The following ITGA9 variants were observed in gnomAD, a reference collection of about 807,000 sequenced individuals.
The protein encoded by ITGA9 is integrin subunit alpha 9.
Under a neutral mutation model 127.8 loss-of-function variants are expected in ITGA9, and 56 were observed. The observed-to-expected ratio is 0.44, with a 90% CI of 0.35 to 0.55. The LOEUF is 0.55. ITGA9 is among the 20% of genes least tolerant of loss of function. ITGA9 has a pLI of 0.00. For synonymous variants in ITGA9, 508 were observed against 514.5 expected, an observed-to-expected ratio of 0.99 and a Z score of 0.17; for missense variants, 1,196 against 1,347.1, an observed-to-expected ratio of 0.89 and a Z score of 1.76.
chr3:37,589,330 CAT>C (rs1699789974), intron 15 of ITGA9, among the ~76,000 whole-genome samples: 1 of 152,152 alleles, frequency 6.6e-6, no homozygotes, highest in Admixed American at 6.5e-5. Flanking sequence ...GAGCACCTAT[CAT>C]GTGCAAGTAC....
chr3:37,741,245 C>G (rs1270886084), intron 20 of ITGA9, among the ~76,000 whole-genome samples: 4 of 152,208 alleles, frequency 2.6e-5, no homozygotes, highest in Non-Finnish European at 5.9e-5. Flanking sequence ...ACTCACTTGC[C>G]TGACAGGCAG....
chr3:37,593,853 C>A (rs1376465732), intron 15 of ITGA9, among the ~76,000 whole-genome samples: 13 of 151,252 alleles, frequency 8.6e-5, no homozygotes, highest in Non-Finnish European at 1.5e-5. Flanking sequence ...TGCCTGCTGT[C>A]CTCGTGTGGA....
Position 37,759,663 on chromosome 3 carries a change from A to C in ITGA9, c.2541+9094A>C, listed in dbSNP as rs556651343. Among the ~76,000 whole-genome samples, 208 of 152,272 alleles carry C rather than the reference A, an allele frequency of 1.4e-3. 1 individual carries two copies. The highest frequency in any genetic ancestry group is 0.01 in the Middle Eastern group (3 of 294). On this transcript the variant is annotated intron_variant, in intron 23 of 27. Transcript: ENST00000264741. ...ATGCCTGTAATCCCAGCACTTTGGG[A>C]GGCTGAGTTGGGCATATCACCTGAG...
chr3:37,535,159 A>G (rs1309999016), intron 14 of ITGA9, among the ~76,000 whole-genome samples: 1 of 152,266 alleles, frequency 6.6e-6, no homozygotes, highest in East Asian at 1.9e-4. Flanking sequence ...CACATGTGCC[A>G]GGCACTGGAG....
chr3:37,528,632 T>G (rs1048719057), intron 13 of ITGA9, among the ~76,000 whole-genome samples: 6 of 152,228 alleles, frequency 3.9e-5, no homozygotes, highest in Non-Finnish European at 8.8e-5. Flanking sequence ...GCCTGTGACC[T>G]TAGATTATAG....
chr3:37,595,371 A>C (rs1394685350), intron 15 of ITGA9, among the ~76,000 whole-genome samples: 1 of 152,224 alleles, frequency 6.6e-6, no homozygotes, highest in Non-Finnish European at 1.5e-5. Flanking sequence ...TGCAGATGGC[A>C]GGGGATTCCG....
chr3:37,815,124 A>G (rs1308370788), intron 27 of ITGA9, among the ~76,000 whole-genome samples: 1 of 152,216 alleles, frequency 6.6e-6, no homozygotes, highest in African/African-American at 2.4e-5. Flanking sequence ...GCAAGAGATG[A>G]CAGTGCCTTC....
chr3:37,743,058 G>A (rs1244942455), intron 21 of ITGA9, among the ~76,000 whole-genome samples: 1 of 152,154 alleles, frequency 6.6e-6, no homozygotes, highest in Non-Finnish European at 1.5e-5. Flanking sequence ...TTGTTGGGAG[G>A]TGTTAACAGC....
At chr3:37,484,578 A>G (rs1271904148) in intron 4 of ITGA9, among the ~76,000 whole-genome samples, 1 of 152,178 alleles carries the variant, frequency 6.6e-6, no homozygotes, top group Non-Finnish European at 1.5e-5. Context: ...GACCTTTCAG[A>G]TACCACCTAG....
chr3:37,704,733 G>A (rs558014926), intron 18 of ITGA9, among the ~76,000 whole-genome samples: 4 of 152,294 alleles, frequency 2.6e-5, no homozygotes, highest in Admixed American at 6.5e-5. Flanking sequence ...TGAAACTCTT[G>A]TAGACACCAA....
rs1697407954 is a variant in ITGA9 at position 37,814,609 on chromosome 3, C to G, written c.3010-4282C>G. Among the ~76,000 whole-genome samples the G allele has an allele frequency of 6.6e-6, 1 of 152,128 alleles. No individual in the cohort carries two copies. The highest frequency in any genetic ancestry group is 6.5e-5 in the Admixed American group (1 of 15,270). ...CAATATTAGTTTGACAGAGCCACCA[C>G]TAGACTATAGGGTACCTTTGTGCAA... is the stretch of plus-strand genomic sequence containing the variant. On this transcript the variant is annotated intron_variant, in intron 27 of 27. Transcript: ENST00000264741. The surrounding 1 kb of genome is among the most constrained non-coding windows in gnomAD (Gnocchi z 4.3).
chr3:37,630,128 C>G (rs1191021744), intron 16 of ITGA9, among the ~76,000 whole-genome samples: 1 of 152,216 alleles, frequency 6.6e-6, no homozygotes, highest in Non-Finnish European at 1.5e-5. Flanking sequence ...TTTCACAGTG[C>G]TTCAGACCAC....
At chr3:37,587,415 GT>G (rs1355027414) in intron 15 of ITGA9, among the ~76,000 whole-genome samples, 2 of 152,194 alleles carry the variant, frequency 1.3e-5, no homozygotes, top group Non-Finnish European at 2.9e-5. Flanking sequence ...GACAAAGGGA[GT>G]TTTATGCCAT....
At chr3:37,714,193 G>T (rs905049609) in intron 18 of ITGA9, among the ~76,000 whole-genome samples, 1 of 152,220 alleles carries the variant, frequency 6.6e-6, no homozygotes, top group East Asian at 1.9e-4. Flanking sequence ...ATCCTCATCT[G>T]TAAGGTGGGA....
rs1226966554 is a variant in ITGA9 at position 37,799,182 on chromosome 3, A to G, written c.2890-4641A>G. ...ATGAACATTTTTATTTTATTTTTTA[A>G]TTTTTTATTTTTTTAAGACAGAGTC... On this transcript the variant is annotated intron_variant, in intron 26 of 27. Transcript: ENST00000264741. The surrounding 1 kb of genome is among the most constrained non-coding windows in gnomAD (Gnocchi z 4.0). Among the ~76,000 whole-genome samples, 1 of 151,740 alleles carries G rather than the reference A, an allele frequency of 6.6e-6. No individual in the cohort carries two copies. The highest frequency in any genetic ancestry group is 1.5e-5 in the Non-Finnish European group (1 of 67,934).
intron 15 of ITGA9, among the ~76,000 whole-genome samples, chr3:37,616,332 G>A (rs1700074124): frequency 6.6e-6 from 1 of 152,220 alleles, no homozygotes; most frequent in Non-Finnish European, 1.5e-5. Flanking sequence ...CTGAGAGACA[G>A]CTTGTTATAA....
At chr3:37,611,305 C>A (rs1398585059) in intron 15 of ITGA9, among the ~76,000 whole-genome samples, 1 of 152,078 alleles carries the variant, frequency 6.6e-6, no homozygotes, top group Non-Finnish European at 1.5e-5. Flanking sequence ...CCAGTAAATG[C>A]CATTTATTGC....
At chr3:37,453,259 G>A (rs1200021738) in intron 1 of ITGA9, among the ~76,000 whole-genome samples, 3 of 152,206 alleles carry the variant, frequency 2.0e-5, no homozygotes, top group Non-Finnish European at 2.9e-5. Flanking sequence ...GAGAGCCTGA[G>A]TCTCATCTCA....
chr3:37,786,616 A>C (rs78985625), intron 26 of ITGA9, among the ~76,000 whole-genome samples: 15 of 146,632 alleles, frequency 1.0e-4, no homozygotes, highest in African/African-American at 3.5e-4. Flanking sequence ...ACAAACAAAC[A>C]AAAAAAAAAA....
Sources: allele counts gnomAD v4.1 joint callset (sites outside exome capture counted in the v4.1 genomes callset), GRCh38; gene constraint gnomAD v4.1.1; non-coding constraint Gnocchi (gnomAD v3.1); transcripts MANE v1.5; gene names NCBI Gene and HGNC (gene_info 2026-07-23, HGNC 2026-07-21).